Variants in C1GALT1 observed in about 807,000 individuals in gnomAD.
C1GALT1 encodes glycoprotein-N-acetylgalactosamine 3-beta-galactosyltransferase 1.
A neutral mutation model predicts 31.0 loss-of-function variants in C1GALT1; 11 were observed. That is an observed-to-expected ratio of 0.36 (90% CI 0.22 to 0.59). C1GALT1 has a LOEUF of 0.59. Among genes scored for constraint, C1GALT1 ranks in the 20% least tolerant of loss-of-function variants. The probability of loss-of-function intolerance (pLI) is 0.79; values close to 1 mark genes in which losing one functional copy is unlikely to be tolerated. For missense variants in C1GALT1, 424 were observed against 425.2 expected (o/e 1.00, Z 0.03); for synonymous variants, 175 against 143.6 (o/e 1.22, Z -1.56).
At chr7:7,176,460 A>G (rs543765022) in intron 2 of C1GALT1, among the ~76,000 whole-genome samples, 7 of 151,782 alleles carry the variant, frequency 4.6e-5, no homozygotes, top group South Asian at 2.1e-4. Flanking sequence ...TTTCTCATCA[A>G]TTGAGAAAAC....
At chr7:7,178,693 T>C (rs1238974571), upstream of C1GALT1, among the ~76,000 whole-genome samples, 3 of 152,170 alleles carry the variant, frequency 2.0e-5, no homozygotes, top group Non-Finnish European at 2.9e-5. Flanking sequence ...TAACATTGTA[T>C]GCTACCTACT....
At chr7:7,227,587 G>A (rs1281441209) in intron 1 of C1GALT1, among the ~76,000 whole-genome samples, 1 of 151,472 alleles carries the variant, frequency 6.6e-6, no homozygotes, top group African/African-American at 2.4e-5. Context: ...GGGCGTAGTG[G>A]CGGGCGCCTG....
At chr7:7,235,405 A>T (rs1274332339) in intron 2 of C1GALT1, 1 of 152,176 alleles carries the variant, frequency 6.6e-6, no homozygotes, top group Non-Finnish European at 1.5e-5. Context: ...CATTTTATCA[A>T]CTAGCAAACA....
intron 1 of C1GALT1, among the ~76,000 whole-genome samples, chr7:7,227,735 A>C (rs572878027): frequency 1.3e-5 from 2 of 149,224 alleles, no homozygotes; most frequent in South Asian, 4.2e-4. Flanking sequence ...AAAAAAAAAA[A>C]GGGAAGAGGA....
At chr7:7,169,664 C>T (rs1166273750) in intron 2 of C1GALT1, among the ~76,000 whole-genome samples, 2 of 151,958 alleles carry the variant, frequency 1.3e-5, no homozygotes, top group Non-Finnish European at 2.9e-5. Flanking sequence ...GCTTATTAGC[C>T]ATTTGTACAT....
In C1GALT1 at chr7:7,238,875, C is replaced by T. The variant is rs141454650; in HGVS notation, c.841C>T (p.Pro281Ser). ...ACACCATTTAATTAAAGGTTATCTA[C>T]CTAGAACGTTTTGGTACTGGAATTA... ...PEHHLIKGYL[P>S]RTFWYWNYNY... The change falls in exon 3 of 4, where the codon CCT (proline) becomes TCT (serine). Residue 281 changes from proline (P) to serine (S), a missense_variant. Transcript: ENST00000436587. The surrounding 1 kb of genome is among the most constrained non-coding windows in gnomAD (Gnocchi z 5.2). 940 of 1,613,588 alleles carry T rather than the reference C, an allele frequency of 5.8e-4. No individual in the cohort carries two copies. The highest frequency in any genetic ancestry group is 7.5e-4 in the Non-Finnish European group (884 of 1,179,774).
Position 7,247,532 on chromosome 7 carries a change from T to C in C1GALT1, c.*3805T>C, listed in dbSNP as rs1252718289. The C allele has an allele frequency of 6.6e-6, 1 of 152,178 alleles. No homozygotes were observed. Among genetic ancestry groups the C allele is most frequent in the African/African-American group, 2.4e-5 (1 of 41,462 alleles). The allele number at this position is 152,178 out of a possible 1,614,324, so 9.4% of individuals were successfully genotyped here. A position where few individuals can be genotyped will look rare whatever the true frequency, so the allele number is the denominator to read the frequency against. ...GGATTTGAGCAGTAAATTTGCTAAC[T>C]GGTTATTTTCACAATTTTCTTGAAT... On this transcript the variant is annotated 3_prime_UTR_variant, in exon 4 of 4. Transcript: ENST00000436587.
chr7:7,188,934 C>T, intron 1 of C1GALT1, among the ~76,000 whole-genome samples: 1 of 152,106 alleles, frequency 6.6e-6, no homozygotes, highest in Non-Finnish European at 1.5e-5. Context: ...GATACGAAAG[C>T]AGTTACTTTT....
At chr7:7,196,749 C>A (rs1044060892) in intron 1 of C1GALT1, among the ~76,000 whole-genome samples, 1 of 152,132 alleles carries the variant, frequency 6.6e-6, no homozygotes, top group Non-Finnish European at 1.5e-5. Context: ...TTTTAATGAT[C>A]GCCATTCTAA....
chr7:7,171,539 G>A (rs982389066), intron 2 of C1GALT1, among the ~76,000 whole-genome samples: 2 of 152,078 alleles, frequency 1.3e-5, no homozygotes, highest in Middle Eastern at 6.8e-3. Flanking sequence ...TATCCATTCT[G>A]CCCATCTCTG....
intron 1 of C1GALT1, among the ~76,000 whole-genome samples, chr7:7,189,418 T>A (rs1456323710): frequency 1.3e-5 from 2 of 152,196 alleles, no homozygotes; most frequent in African/African-American, 4.8e-5. Context: ...TTCTTGTATC[T>A]GTGTCAATAA....
At chr7:7,237,093 G>A (rs906277522) in intron 2 of C1GALT1, among the ~76,000 whole-genome samples, 3 of 152,180 alleles carry the variant, frequency 2.0e-5, no homozygotes, top group Admixed American at 6.5e-5. Flanking sequence ...TGTAATTGGA[G>A]TAATTTTGTC....
rs779470515 is a variant in C1GALT1 at position 7,238,958 on chromosome 7, GGACT to G, written c.888+43_888+46del. 2 of 1,504,182 alleles carry G rather than the reference GGACT, an allele frequency of 1.3e-6. No individual in the cohort carries two copies. The highest frequency in any genetic ancestry group is 2.4e-5 in the South Asian group (2 of 81,868). 93.2% of individuals were successfully genotyped at this position (1,504,182 alleles called of 1,614,324 possible). A position where few individuals can be genotyped will look rare whatever the true frequency, so the allele number is the denominator to read the frequency against. ...AAATTTTATTACTATGTCAATACTT[GGACT>G]GACTGAATTTTGTTGATAAAAACAT... is the stretch of plus-strand genomic sequence containing the variant. On this transcript the variant is annotated intron_variant, in intron 3 of 3. Coordinates refer to ENST00000436587, the MANE Select transcript of C1GALT1 (RefSeq NM_020156.5). This position sits in a 1 kb window ranked among gnomAD's most constrained non-coding sequence, Gnocchi z 5.2.
At chr7:7,228,584 T>C (rs886310227) in intron 1 of C1GALT1, among the ~76,000 whole-genome samples, 57 of 152,066 alleles carry the variant, frequency 3.7e-4, no homozygotes, top group African/African-American at 1.2e-3. Context: ...CCCCATGAGA[T>C]GGCTATTTTA....
chr7:7,214,286 C>T (rs899351998), intron 1 of C1GALT1, among the ~76,000 whole-genome samples: 1 of 152,098 alleles, frequency 6.6e-6, no homozygotes, highest in African/African-American at 2.4e-5. Context: ...TGTGGCATCT[C>T]CTGTTTTTCC....
intron 2 of C1GALT1, among the ~76,000 whole-genome samples, chr7:7,159,434 G>A (rs1780310537): frequency 6.6e-6 from 1 of 152,048 alleles, no homozygotes; most frequent in Admixed American, 6.6e-5. Context: ...ACAGGAAGAG[G>A]AGGGGGAGGA....
At chr7:7,206,505 C>G (rs537748444) in intron 1 of C1GALT1, among the ~76,000 whole-genome samples, 2 of 151,994 alleles carry the variant, frequency 1.3e-5, no homozygotes, top group South Asian at 4.2e-4. Flanking sequence ...GAAACCCTGT[C>G]TCTGCTAAAA....
chr7:7,205,581 A>G (rs563945350), intron 1 of C1GALT1, among the ~76,000 whole-genome samples: 1 of 152,192 alleles, frequency 6.6e-6, no homozygotes. Context: ...ATGGACCTAT[A>G]CTGTTCAGAC....
At chr7:7,228,841 A>T (rs1782928339) in intron 1 of C1GALT1, among the ~76,000 whole-genome samples, 1 of 152,222 alleles carries the variant, frequency 6.6e-6, no homozygotes, top group East Asian at 1.9e-4. Context: ...TCACTCCAGG[A>T]TAGATGCCTT....
Sources: gnomAD v4.1 joint callset for allele counts (sites outside exome capture counted in the v4.1 genomes callset) on GRCh38, gnomAD v4.1.1 for gene constraint, Gnocchi (gnomAD v3.1) non-coding constraint, MANE v1.5 for transcripts, NCBI Gene and HGNC (gene_info 2026-07-23, HGNC 2026-07-21) for gene names.